The following ZNF226 variants were observed in gnomAD, a reference collection of about 807,000 sequenced individuals.
The protein encoded by ZNF226 is Kruppel-associated box protein.
A neutral mutation model predicts 11.4 loss-of-function variants in ZNF226; 6 were observed. The ratio of observed to expected loss-of-function variants is 0.53; its 90% CI spans 0.29 to 1.04. ZNF226 has a LOEUF of 1.04. Among genes scored for constraint, ZNF226 ranks in the 50% least tolerant of loss-of-function variants. The pLI is 0.08. For missense variants in ZNF226, 1,058 were observed against 956.5 expected (o/e 1.11, Z -1.40); for synonymous variants, 350 against 322.8 (o/e 1.08, Z -0.90).
downstream of ZNF226, among the ~76,000 whole-genome samples, chr19:44,179,140 A>G (rs1006888920): frequency 3.9e-5 from 6 of 152,170 alleles, no homozygotes; most frequent in African/African-American, 1.4e-4. Flanking sequence ...AGATGTTGCC[A>G]CTGCACTCTA....
At chr19:44,179,655 T>A (rs1970877080), downstream of ZNF226, among the ~76,000 whole-genome samples, 1 of 152,190 alleles carries the variant, frequency 6.6e-6, no homozygotes, top group Non-Finnish European at 1.5e-5. Context: ...ACAGACTTAC[T>A]CACTGGCTGA....
the ZNF226 span, among the ~76,000 whole-genome samples, chr19:44,184,483 G>A: frequency 2.0e-5 from 3 of 152,102 alleles, no homozygotes; most frequent in Non-Finnish European, 4.4e-5. Context: ...AGGAGGCTGA[G>A]GCAGAGAACT....
Position 44,177,205 on chromosome 19 carries a change from G to A in ZNF226, c.1943G>A (p.Cys648Tyr), listed in dbSNP as rs1327201410. ...SGEKPFKCEE[C>Y]GKSFGRSAHL... ...GAAAAACCATTCAAATGTGAAGAATGTGGGAAGAGTTTCGGTCGGAGTGCA... is the reference window on the plus strand; with the variant it reads ...GAAAAACCATTCAAATGTGAAGAATATGGGAAGAGTTTCGGTCGGAGTGCA... The change falls in exon 6 of 6, where the codon TGT becomes TAT. Residue 648 changes from cysteine to tyrosine, a missense_variant. Physicochemically the swap from Cys to Tyr is radical, Grantham distance 194 (BLOSUM62 -2). Coordinates refer to ENST00000337433, the MANE Select transcript of ZNF226 (RefSeq NM_001032373.2). 1 of 1,614,028 alleles carries A rather than the reference G, an allele frequency of 6.2e-7. No homozygotes were observed. Among genetic ancestry groups the A allele is most frequent in the Non-Finnish European group, 8.5e-7 (1 of 1,180,000 alleles).
At position 44,176,013 on chromosome 19, in the gene ZNF226, T is replaced by C; in HGVS notation, c.751T>C (p.Ser251Pro). Residue 251 changes from serine (S) to proline (P), a missense_variant, in exon 6 of 6, where the codon TCG becomes CCG. Coordinates refer to ENST00000337433, the MANE Select transcript of ZNF226 (RefSeq NM_001032373.2). ...HNSMIHTGQKSYQCNECKKPF... is the reference protein window; with the variant it reads ...HNSMIHTGQKPYQCNECKKPF... Reference sequence around the variant, plus strand: ...TAGCATGATTCACACAGGACAGAAATCGTACCAGTGTAATGAGTGTAAAAA... The same window carrying C: ...TAGCATGATTCACACAGGACAGAAACCGTACCAGTGTAATGAGTGTAAAAA... The C allele has an allele frequency of 1.2e-6, 2 of 1,613,920 alleles. No homozygotes were observed. The highest frequency in any genetic ancestry group is 1.1e-5 in the South Asian group (1 of 91,074).
At chr19:44,175,119 G>C (rs1188069002) in intron 5 of ZNF226, 2 of 1,566,428 alleles carry the variant, frequency 1.3e-6, no homozygotes, top group Non-Finnish European at 1.7e-6. Flanking sequence ...TACATTCCTT[G>C]AGTGACTATG....
chr19:44,183,294 T>G (rs920384009), downstream of ZNF226, among the ~76,000 whole-genome samples: 6 of 152,172 alleles, frequency 3.9e-5, no homozygotes, highest in Non-Finnish European at 8.8e-5. Flanking sequence ...TAGGCCCGTT[T>G]GTGGTGGTCT....
chr19:44,177,521 A>G lies in ZNF226; in HGVS notation c.2259A>G (p.Lys753=). The change falls in exon 6 of 6, where the codon AAA becomes AAG. Residue 753 remains lysine, a synonymous_variant. Coordinates refer to ENST00000337433, the MANE Select transcript of ZNF226 (RefSeq NM_001032373.2). ...ATCAGCGAGTTCACACTGGGGAGAAACCTTATAAATGTGAGATATGTGGTA... is the reference window on the plus strand; with the variant it reads ...ATCAGCGAGTTCACACTGGGGAGAAGCCTTATAAATGTGAGATATGTGGTA... ...QSHQRVHTGE[K]PYKCEICGKS... The G allele has an allele frequency of 1.9e-6, 3 of 1,614,126 alleles. No homozygotes were observed. The highest frequency in any genetic ancestry group is 2.5e-6 in the Non-Finnish European group (3 of 1,179,994).
At chr19:44,181,648 A>G (rs138849664), downstream of ZNF226, among the ~76,000 whole-genome samples, 210 of 152,278 alleles carry the variant, frequency 1.4e-3, no homozygotes, top group African/African-American at 5.0e-3. Flanking sequence ...AATCCTGAAA[A>G]ATTTGGGAAC....
intron 5 of ZNF226, chr19:44,174,712 A>C (rs1970522227): frequency 7.1e-6 from 2 of 281,786 alleles, no homozygotes; most frequent in Admixed American, 1.0e-4. Context: ...TTTGGAAAAC[A>C]TTCTTGTTAA....
At chr19:44,178,829 A>T (rs917195663), downstream of ZNF226, among the ~76,000 whole-genome samples, 26 of 152,214 alleles carry the variant, frequency 1.7e-4, no homozygotes, top group Admixed American at 1.4e-3. Flanking sequence ...TACAGTAAAA[A>T]GGATCCTTGA....
chr19:44,193,291 A>C, the ZNF226 span, among the ~76,000 whole-genome samples: 253 of 152,258 alleles, frequency 1.7e-3, 4 homozygotes, highest in East Asian at 0.043. Context: ...AGAAACACAA[A>C]AAGATCTTAT....
the ZNF226 span, among the ~76,000 whole-genome samples, chr19:44,190,439 T>G: frequency 6.6e-6 from 1 of 152,104 alleles, no homozygotes; most frequent in Non-Finnish European, 1.5e-5. Context: ...GTTCCTGCCA[T>G]TCTCCTACCT....
chr19:44,183,863 G>A, the ZNF226 span, among the ~76,000 whole-genome samples: 2 of 152,150 alleles, frequency 1.3e-5, no homozygotes, highest in Non-Finnish European at 1.5e-5. Flanking sequence ...ATCCACAGAA[G>A]TTTAGTTTGG....
At chr19:44,183,230 C>T (rs1167026223), downstream of ZNF226, among the ~76,000 whole-genome samples, 13 of 152,086 alleles carry the variant, frequency 8.5e-5, no homozygotes, top group Non-Finnish European at 1.9e-4. Context: ...CACTGTAGCC[C>T]ACCAGGTAGC....
At chr19:44,183,053 C>T (rs898812198), downstream of ZNF226, among the ~76,000 whole-genome samples, 3 of 152,080 alleles carry the variant, frequency 2.0e-5, no homozygotes, top group Admixed American at 6.5e-5. Flanking sequence ...GATACGCTGC[C>T]GAAACTGACT....
At chr19:44,182,483 T>C (rs143743152), downstream of ZNF226, among the ~76,000 whole-genome samples, 100 of 152,308 alleles carry the variant, frequency 6.6e-4, no homozygotes, top group Non-Finnish European at 1.1e-3. Context: ...ATAGAACATA[T>C]ACAGAGACAT....
downstream of ZNF226, chr19:44,177,823 C>T: frequency 3.3e-6 from 3 of 898,860 alleles, no homozygotes; most frequent in Non-Finnish European, 4.8e-6. Context: ...TAGTCAGAAC[C>T]TTGACCTTTA....
At position 44,177,503 on chromosome 19, in the gene ZNF226, A is replaced by C. The variant is rs754113952; in HGVS notation, c.2241A>C (p.Arg747=). 92 of 1,614,082 alleles carry C rather than the reference A, an allele frequency of 5.7e-5. No homozygotes were observed. Among genetic ancestry groups the C allele is most frequent in the Non-Finnish European group, 7.5e-5 (88 of 1,180,036 alleles). Residue 747 remains arginine, a synonymous_variant, in exon 6 of 6, where the codon CGA becomes CGC. Coordinates refer to ENST00000337433, the MANE Select transcript of ZNF226 (RefSeq NM_001032373.2). Reference sequence around the variant, plus strand: ...CTTCACAACTACAGTCTCATCAGCGAGTTCACACTGGGGAGAAACCTTATA... The same window carrying C: ...CTTCACAACTACAGTCTCATCAGCGCGTTCACACTGGGGAGAAACCTTATA... ...SRSSQLQSHQ[R]VHTGEKPYKC...
chr19:44,168,023 C>T (rs1007193457), intron 2 of ZNF226, among the ~76,000 whole-genome samples: 9 of 152,072 alleles, frequency 5.9e-5, no homozygotes, highest in African/African-American at 1.9e-4. Flanking sequence ...GGGGAAATAA[C>T]AAGACTGGAG....
Sources: gnomAD v4.1 joint callset for allele counts (sites outside exome capture counted in the v4.1 genomes callset) on GRCh38, gnomAD v4.1.1 for gene constraint, MANE v1.5 for transcripts, NCBI Gene and HGNC (gene_info 2026-07-23, HGNC 2026-07-21) for gene names.